Variants in FBXL20 observed in about 807,000 individuals in gnomAD.
The protein encoded by FBXL20 is F-box/LRR-repeat protein 20.
In FBXL20, 11 loss-of-function variants were observed where a neutral mutation model predicts 64.0. The observed-to-expected ratio is 0.17, with a 90% CI of 0.11 to 0.28. The LOEUF is 0.28. Ranked by LOEUF, FBXL20 falls within the 10% of genes least tolerant of loss-of-function variation. FBXL20 has a pLI of 1.00. For missense variants in FBXL20, 303 were observed against 526.2 expected (o/e 0.58, Z 4.15); for synonymous variants, 184 against 189.0 (o/e 0.97, Z 0.22).
intron 2 of FBXL20, among the ~76,000 whole-genome samples, chr17:39,322,329 TTAAA>T (rs1364791696): frequency 6.7e-6 from 1 of 149,432 alleles, no homozygotes; most frequent in South Asian, 2.1e-4. Context: ...TGTTTTACAA[TTAAA>T]TAAATTCTTT....
intron 2 of FBXL20, among the ~76,000 whole-genome samples, chr17:39,313,626 C>A (rs528716139): frequency 1.3e-5 from 2 of 151,614 alleles, no homozygotes. Context: ...TCCCTCATAA[C>A]AAACATTTAT....
intron 2 of FBXL20, among the ~76,000 whole-genome samples, chr17:39,304,758 AT>A (rs1309900462): frequency 6.6e-6 from 1 of 151,276 alleles, no homozygotes; most frequent in Admixed American, 6.6e-5. Flanking sequence ...TGCTCAGCTA[AT>A]TTTTTTTTGT....
Position 39,281,399 on chromosome 17 carries a change from T to C in FBXL20, c.686A>G (p.Gln229Arg). 6.2e-7 allele frequency: 1 copy of C among 1,613,856 alleles called. No homozygotes were observed. Among genetic ancestry groups the C allele is most frequent in the Non-Finnish European group, 8.5e-7 (1 of 1,179,868 alleles). ...AGAAGGGATGTTTACCAAGCAAGTC[T>C]GCAAGTTCAAAGTCACCAGTTCAGG... ...HCPELVTLNL[Q>R]TCLQITDEGL... Residue 229 changes from glutamine (Q) to arginine (R), a missense_variant, in exon 9 of 15, where the codon CAG (glutamine) becomes CGG (arginine). By Grantham distance (43) the Gln-to-Arg change is conservative. This residue lies in a region of FBXL20 where 246 missense variants were observed against 422.6 expected (regional missense o/e 0.58). Coordinates refer to ENST00000264658, the MANE Select transcript of FBXL20 (RefSeq NM_032875.3).
chr17:39,307,540 G>T (rs547142721), intron 2 of FBXL20, among the ~76,000 whole-genome samples: 1 of 152,232 alleles, frequency 6.6e-6, no homozygotes, highest in East Asian at 1.9e-4. Flanking sequence ...TATGTACCAG[G>T]TATCATTCTA....
intron 2 of FBXL20, among the ~76,000 whole-genome samples, chr17:39,328,065 T>C (rs1482223207): frequency 4.0e-5 from 6 of 151,608 alleles, no homozygotes; most frequent in Admixed American, 2.0e-4. Context: ...CTGGCCAACA[T>C]GGTGAAACCC....
intron 1 of FBXL20, among the ~76,000 whole-genome samples, chr17:39,395,513 T>C (rs1338292558): frequency 6.6e-6 from 1 of 152,224 alleles, no homozygotes; most frequent in Non-Finnish European, 1.5e-5. Flanking sequence ...GTGGTCTGAA[T>C]GGGTCCAAAA....
chr17:39,301,067 A>G lies in FBXL20; in HGVS notation c.168T>C (p.Asn56=), dbSNP rs1377726752. Residue 56 remains asparagine, a synonymous_variant, in exon 4 of 15, where the codon AAT becomes AAC. Transcript: ENST00000264658. ...AGTTACTGCCATCCAGAGCCAGAAC[A>G]TTCCAGGCCTATTTTAAAGAAAAAG... ...CRCAQVSRAW[N]VLALDGSNWQ... 1.2e-6 allele frequency: 2 copies of G among 1,613,742 alleles called. No individual in the cohort carries two copies. Among genetic ancestry groups the G allele is most frequent in the East Asian group, 4.5e-5 (2 of 44,866 alleles).
chr17:39,272,701 C>CAAAAA (rs56138431), intron 10 of FBXL20, among the ~76,000 whole-genome samples: 9 of 98,826 alleles, frequency 9.1e-5, no homozygotes, highest in East Asian at 2.9e-4. Flanking sequence ...AACTCTATCT[C>CAAAAA]AAAAAAAAAA....
chr17:39,264,160 T>C lies in FBXL20; in HGVS notation c.1203+15A>G, dbSNP rs763247493. The C allele has an allele frequency of 1.9e-6, 3 of 1,613,192 alleles. No individual in the cohort carries two copies. Among genetic ancestry groups the C allele is most frequent in the Non-Finnish European group, 1.7e-6 (2 of 1,179,150 alleles). Reference sequence around the variant, plus strand: ...TGCTAACACTAGAGTTGGAGAGTTATGTAGCCATTTTTACCCTGAGTCTCT... The same window carrying C: ...TGCTAACACTAGAGTTGGAGAGTTACGTAGCCATTTTTACCCTGAGTCTCT... On this transcript the variant is annotated intron_variant, in intron 14 of 14. Transcript: ENST00000264658.
intron 3 of FBXL20, among the ~76,000 whole-genome samples, chr17:39,301,464 A>G (rs962087813): frequency 6.6e-6 from 1 of 152,114 alleles, no homozygotes; most frequent in Non-Finnish European, 1.5e-5. Context: ...ATGGTGGCTC[A>G]CGTCTGTAAT....
At chr17:39,392,549 G>A (rs201924138) in intron 1 of FBXL20, among the ~76,000 whole-genome samples, 5 of 151,876 alleles carry the variant, frequency 3.3e-5, no homozygotes, top group East Asian at 1.9e-4. Context: ...AAAAAAGGGC[G>A]ACATATACAA....
At chr17:39,283,243 T>C (rs602688) in intron 7 of FBXL20, among the ~76,000 whole-genome samples, 59,577 of 152,024 alleles carry the variant, frequency 0.39, 15,333 homozygotes, top group African/African-American at 0.74. Context: ...ATGCTATTAC[T>C]GGTTGAGTAT....
At chr17:39,310,305 C>G (rs2144481995) in intron 2 of FBXL20, among the ~76,000 whole-genome samples, 1 of 152,178 alleles carries the variant, frequency 6.6e-6, no homozygotes, top group Non-Finnish European at 1.5e-5. Context: ...GAATTTCCAT[C>G]ACGTTTCATA....
chr17:39,350,095 C>T (rs1353198165), intron 1 of FBXL20, among the ~76,000 whole-genome samples: 2 of 152,086 alleles, frequency 1.3e-5, no homozygotes, highest in Non-Finnish European at 2.9e-5. Flanking sequence ...GTATTAAATG[C>T]CACATCTCAC....
chr17:39,266,879 T>C (rs2046796623), intron 12 of FBXL20, among the ~76,000 whole-genome samples: 1 of 152,184 alleles, frequency 6.6e-6, no homozygotes, highest in East Asian at 1.9e-4. Context: ...GGTAGCTAGT[T>C]GTAGTGGCTT....
chr17:39,344,648 G>T (rs546817095), intron 1 of FBXL20, among the ~76,000 whole-genome samples: 12 of 152,038 alleles, frequency 7.9e-5, no homozygotes, highest in Non-Finnish European at 1.5e-4. Context: ...AAGTACGCAG[G>T]TGTGGTGGCA....
chr17:39,400,791 G>A (rs951859490), intron 1 of FBXL20, among the ~76,000 whole-genome samples: 1 of 152,200 alleles, frequency 6.6e-6, no homozygotes, highest in Non-Finnish European at 1.5e-5. Context: ...ATGAGCTACA[G>A]AAGTACAGAC....
At chr17:39,375,961 T>A (rs931131250) in intron 1 of FBXL20, among the ~76,000 whole-genome samples, 1 of 151,824 alleles carries the variant, frequency 6.6e-6, no homozygotes, top group African/African-American at 2.4e-5. Flanking sequence ...CTACTAAAAA[T>A]ACAAAAAATT....
At chr17:39,321,506 G>A (rs898384216) in intron 2 of FBXL20, among the ~76,000 whole-genome samples, 6 of 148,412 alleles carry the variant, frequency 4.0e-5, no homozygotes, top group South Asian at 2.1e-4. Context: ...GGCCAGGCAC[G>A]GTGACTCATG....
Sources: gnomAD v4.1 joint callset for allele counts (sites outside exome capture counted in the v4.1 genomes callset) on GRCh38, gnomAD v4.1.1 for gene constraint, gnomAD v4.1.1 regional missense constraint, MANE v1.5 for transcripts, NCBI Gene and HGNC (gene_info 2026-07-23, HGNC 2026-07-21) for gene names.